NPC1L1: variants seen among roughly 807,000 people sequenced by gnomAD.
NPC1L1 encodes NPC1 like intracellular cholesterol transporter 1, also known as NPC1-like intracellular cholesterol transporter 1.
NPC1L1 carries 98 observed loss-of-function variants against 117.0 expected under a neutral mutation model. That is an observed-to-expected ratio of 0.84 (90% CI 0.71 to 0.99). The LOEUF is 0.99. NPC1L1 is among the 50% of genes least tolerant of loss of function. NPC1L1 has a pLI of 0.00. For synonymous variants in NPC1L1, 729 were observed against 727.6 expected (o/e 1.00, Z -0.03); for missense variants, 1,540 against 1,710.0 (o/e 0.90, Z 1.75).
Position 44,539,121 on chromosome 7 carries a change from G to T in NPC1L1, c.1276C>A (p.Leu426Met). The change falls in exon 2 of 19, where the codon CTG (leucine) becomes ATG (methionine). Residue 426 changes from leucine (L) to methionine (M), a missense_variant. Coordinates refer to ENST00000381160, the MANE Select transcript of NPC1L1 (RefSeq NM_001101648.2). The surrounding 1 kb of genome is among the most constrained non-coding windows in gnomAD (Gnocchi z 4.4). ...NRSSYRYDSL[L>M]LGPKNFSGIL... ...CCGCTGAAGTTCTTGGGCCCCAGCA[G>T]CAGAGAGTCATACCTGTAGCTGGAC... 1 of 1,614,190 alleles carries T rather than the reference G, an allele frequency of 6.2e-7. No individual in the cohort carries two copies. Among genetic ancestry groups the T allele is most frequent in the Non-Finnish European group, 8.5e-7 (1 of 1,180,042 alleles).
chr7:44,531,998 C>A (rs1371309684), intron 9 of NPC1L1, 82 bp downstream of exon 9: 3 of 1,604,214 alleles, frequency 1.9e-6, no homozygotes, highest in East Asian at 4.5e-5. Context: ...CCTAGGCAAC[C>A]TCCCCACCTC....
rs1801343809 is a variant in NPC1L1 at position 44,521,213 on chromosome 7, G to A, written c.2954-95C>T. The A allele has an allele frequency of 4.5e-6, 7 of 1,547,818 alleles. No homozygotes were observed. The Admixed American group carries it at 1.0e-4, about 22-fold the overall frequency. ...CCCCAACAATCCCATCAAAGGTCCT[G>A]GGCACTCCAGCCTCAACCAGTCGCT... On this transcript the variant is annotated intron_variant, in intron 12 of 18. Coordinates refer to ENST00000381160, the MANE Select transcript of NPC1L1 (RefSeq NM_001101648.2).
At position 44,536,869 on chromosome 7, in the gene NPC1L1, G is replaced by A; in HGVS notation, c.1654C>T (p.Pro552Ser). ...CMADYGAPVF[P>S]FLAIGGYKGK... ...TTGTACCCCCCAATGGCAAGGAAGG[G>A]GAAGACAGGGGCCCCGTAGTCAGCC... Residue 552 changes from proline (P) to serine (S), a missense_variant, in exon 3 of 19, where the codon CCC becomes TCC. By Grantham distance (74) the Pro-to-Ser change is moderately conservative. Transcript: ENST00000381160. The surrounding 1 kb of genome is among the most constrained non-coding windows in gnomAD (Gnocchi z 4.7). 6.2e-7 allele frequency: 1 copy of A among 1,614,144 alleles called. No homozygotes were observed. Among genetic ancestry groups the A allele is most frequent in the Non-Finnish European group, 8.5e-7 (1 of 1,180,000 alleles).
rs1585155053 is a variant in NPC1L1 at position 44,540,138 on chromosome 7, T to G, written c.259A>C (p.Thr87Pro). Residue 87 changes from threonine (T) to proline (P), a missense_variant, in exon 2 of 19, where the codon ACC becomes CCC. Physicochemically the swap from Thr to Pro is conservative, Grantham distance 38. Transcript: ENST00000381160. ...TGCTTGGCGGAGCAGCAGGCTTGGG[T>G]GTTGGGGCCGGTGTAGAGGCGGGGG... ...ICPRLYTGPN[T>P]QACCSAKQLV... The G allele has an allele frequency of 6.2e-7, 1 of 1,613,778 alleles. No homozygotes were observed. The highest frequency in any genetic ancestry group is 8.5e-7 in the Non-Finnish European group (1 of 1,179,920).
Position 44,512,648 on chromosome 7 carries a change from G to T in NPC1L1, c.*799C>A, listed in dbSNP as rs777080691. On this transcript the variant is annotated 3_prime_UTR_variant, in exon 19 of 19. Transcript: ENST00000381160. ...CTGTCCAAAAGCTCGGGTTGGGCTG[G>T]TTTGAGGCCTGGGATCCAGGCCCGA... 6.6e-6 allele frequency: 1 copy of T among 152,598 alleles called. No homozygotes were observed. The highest frequency in any genetic ancestry group is 1.9e-4 in the East Asian group (1 of 5,194). 9.5% of individuals were successfully genotyped at this position (152,598 alleles called of 1,614,324 possible). A position where few individuals can be genotyped will look rare whatever the true frequency, so the allele number is the denominator to read the frequency against.
rs752909718 is a variant in NPC1L1 at position 44,539,245 on chromosome 7, C to T, written c.1152G>A (p.Ser384=). 3.1e-6 allele frequency: 5 copies of T among 1,613,914 alleles called. No homozygotes were observed. The highest frequency in any genetic ancestry group is 3.3e-5 in the Admixed American group (2 of 59,994). Residue 384 remains serine (S), a synonymous_variant, in exon 2 of 19, where the codon TCG becomes TCA. Coordinates refer to ENST00000381160, the MANE Select transcript of NPC1L1 (RefSeq NM_001101648.2). The surrounding 1 kb of genome is among the most constrained non-coding windows in gnomAD (Gnocchi z 4.4). ...CACTCCGGGCTTGGCTGTTGGGGGCCGACCACAGCTCCACGGGGTCCGTAG... is the reference window on the plus strand; with the variant it reads ...CACTCCGGGCTTGGCTGTTGGGGGCTGACCACAGCTCCACGGGGTCCGTAG... The part of the protein sequence containing the change: ...ELTTDPVELW[S]APNSQARSEK...
Position 44,517,211 on chromosome 7 carries a change from A to AG in NPC1L1, c.3282dup (p.Tyr1095LeufsTer9). On this transcript the variant is annotated frameshift_variant, in exon 15 of 19. Coordinates refer to ENST00000381160, the MANE Select transcript of NPC1L1 (RefSeq NM_001101648.2). LOFTEE classifies it high-confidence loss of function. ...CCCAGCCACTCAGGTCCTCACGTGT[A>AG]GGGGAAGACCTCAAAAGCCGGGTCT... 1.9e-6 allele frequency: 3 copies of AG among 1,614,136 alleles called. No homozygotes were observed. Among genetic ancestry groups the AG allele is most frequent in the Non-Finnish European group, 2.5e-6 (3 of 1,179,988 alleles).
At chr7:44,531,913 G>C (rs772650402) in intron 9 of NPC1L1, 69 bp from the exon 10 acceptor site, 4 of 1,523,810 alleles carry the variant, frequency 2.6e-6, no homozygotes, top group Non-Finnish European at 3.6e-6. Context: ...ACAAATTTAA[G>C]TCAGTCAGGG....
In NPC1L1 at chr7:44,534,497, C is replaced by T; in HGVS notation, c.2116G>A (p.Val706Met). 1.2e-6 allele frequency: 2 copies of T among 1,614,106 alleles called. No individual in the cohort carries two copies. Among genetic ancestry groups the T allele is most frequent in the Non-Finnish European group, 1.7e-6 (2 of 1,180,006 alleles). The change falls in exon 6 of 19, where the codon GTG becomes ATG. Residue 706 changes from valine to methionine, a missense_variant. By Grantham distance (21) the Val-to-Met change is conservative. Coordinates refer to ENST00000381160, the MANE Select transcript of NPC1L1 (RefSeq NM_001101648.2). The surrounding 1 kb of genome is among the most constrained non-coding windows in gnomAD (Gnocchi z 5.2). ...ATGTTATCAGCCCCCACGGACAGCACCAGGAAAGGAACCACTTGCAGGATG... is the reference window on the plus strand; with the variant it reads ...ATGTTATCAGCCCCCACGGACAGCATCAGGAAAGGAACCACTTGCAGGATG... ...LVILQVVPFL[V>M]LSVGADNIFI...
intron 14 of NPC1L1, among the ~76,000 whole-genome samples, chr7:44,519,930 G>A (rs1801300391): frequency 6.6e-6 from 1 of 151,602 alleles, no homozygotes; most frequent in South Asian, 2.1e-4. Context: ...CCAGCCTTCT[G>A]AATAGCTGGA....
Position 44,531,788 on chromosome 7 carries a change from G to A in NPC1L1, c.2604C>T (p.Ser868=), listed in dbSNP as rs374998733. 8 of 1,588,072 alleles carry A rather than the reference G, an allele frequency of 5.0e-6. No homozygotes were observed. In the East Asian group the frequency reaches 9.1e-5, roughly 18 times the overall value. ...GGGCCAGCTCCTGGTCCAGTCCCAC[G>A]CTGATGTGGCACATGGAGTAGAGGC... The part of the protein sequence containing the change: ...GVSLYSMCHI[S]VGLDQELALP... The change falls in exon 10 of 19, where the codon AGC becomes AGT. Residue 868 remains serine, a synonymous_variant. Transcript: ENST00000381160.
At chr7:44,531,916 A>C in intron 9 of NPC1L1, 72 bp from the exon 10 acceptor site, 1 of 1,526,064 alleles carries the variant, frequency 6.6e-7, no homozygotes, top group Non-Finnish European at 8.9e-7. Context: ...AATTTAAGTC[A>C]GTCAGGGTGT....
chr7:44,514,152 T>C (rs1485970647), intron 18 of NPC1L1, among the ~76,000 whole-genome samples: 2 of 152,162 alleles, frequency 1.3e-5, no homozygotes, highest in Non-Finnish European at 2.9e-5. Flanking sequence ...GTAAGAGAAT[T>C]ACAGACACAT....
rs148859805 is a variant in NPC1L1 at position 44,539,286 on chromosome 7, C to A, written c.1111G>T (p.Val371Phe). 1.9e-6 allele frequency: 3 copies of A among 1,613,908 alleles called. No homozygotes were observed. In the African/African-American group the frequency reaches 4.0e-5, roughly 22 times the overall value. ...GGGTCCGTAGTGAGTTCTGTAAAGA[C>A]CAGGCCCGCTGCCAAGGCCACCACC... ...IPVVALAAGLVFTELTTDPVE... is the reference protein window; with the variant it reads ...IPVVALAAGLFFTELTTDPVE... The change falls in exon 2 of 19, where the codon GTC (valine) becomes TTC (phenylalanine). Residue 371 changes from valine (V) to phenylalanine (F), a missense_variant. This residue lies in a region of NPC1L1 where 793 missense variants were observed against 820.4 expected (regional missense o/e 0.97). Transcript: ENST00000381160. This position sits in a 1 kb window ranked among gnomAD's most constrained non-coding sequence, Gnocchi z 4.4.
In NPC1L1 at chr7:44,531,838, G is replaced by A. The variant is rs1451026501; in HGVS notation, c.2554C>T (p.Leu852=). ...HWITRGVVLL[L]FLALFGVSLY... Reference sequence around the variant, plus strand: ...CTCACTCCGAACAGGGCGAGAAACAGCAGCAGCTGAGAAGGGACCTGCTGC... The same window carrying A: ...CTCACTCCGAACAGGGCGAGAAACAACAGCAGCTGAGAAGGGACCTGCTGC... Residue 852 remains leucine, a synonymous_variant, in exon 10 of 19, where the codon CTG becomes TTG. Transcript: ENST00000381160. The A allele has an allele frequency of 1.9e-6, 3 of 1,581,802 alleles. No individual in the cohort carries two copies. The highest frequency in any genetic ancestry group is 2.6e-6 in the Non-Finnish European group (3 of 1,163,994).
rs1801204122 is a variant in NPC1L1 at position 44,516,834 on chromosome 7, G to C, written c.3388C>G (p.Leu1130Val). The change falls in exon 16 of 19, where the codon CTG becomes GTG. Residue 1130 changes from leucine to valine, a missense_variant. Physicochemically the swap from Leu to Val is conservative, Grantham distance 32 (BLOSUM62 1). This residue lies in a region of NPC1L1 where 742 missense variants were observed against 873.6 expected (regional missense o/e 0.85). Transcript: ENST00000381160. ...CCGGAGCGCAGGTCCAGGCCCAGCA[G>C]GAGGCAGGAGACAGCGAAGGTGGGC... is the stretch of plus-strand genomic sequence containing the variant. ...LVPTFAVSCLLLGLDLRSGLL... is the reference protein window; with the variant it reads ...LVPTFAVSCLVLGLDLRSGLL... 4 of 1,614,226 alleles carry C rather than the reference G, an allele frequency of 2.5e-6. No homozygotes were observed. The highest frequency in any genetic ancestry group is 2.5e-6 in the Non-Finnish European group (3 of 1,180,040).
rs534327266 is a variant in NPC1L1 at position 44,516,425 on chromosome 7, G to A, written c.3520-228C>T. ...TTGAGACCAGCCTGGGCAACAAAGTGAGACCCTGTCTCTACAACAAAAATT... is the reference window on the plus strand; with the variant it reads ...TTGAGACCAGCCTGGGCAACAAAGTAAGACCCTGTCTCTACAACAAAAATT... On this transcript the variant is annotated intron_variant, in intron 16 of 18. Coordinates refer to ENST00000381160, the MANE Select transcript of NPC1L1 (RefSeq NM_001101648.2). 3.3e-5 allele frequency among the ~76,000 whole-genome samples: 5 copies of A among 152,284 alleles called. No homozygotes were observed. In the South Asian group the frequency reaches 1.0e-3, roughly 32 times the overall value.
chr7:44,520,833 C>G lies in NPC1L1; in HGVS notation c.3081-13G>C. The stretch of plus-strand genomic sequence containing the variant: ...TGCTGCCAGGCCGCTGCAAGAAGGT[C>G]AGGGCAAAGGCTTAGCCAGGGACGA... On this transcript the variant is annotated splice_polypyrimidine_tract_variant and intron_variant, in intron 13 of 18. Coordinates refer to ENST00000381160, the MANE Select transcript of NPC1L1 (RefSeq NM_001101648.2). The G allele has an allele frequency of 6.2e-7, 1 of 1,614,090 alleles. No individual in the cohort carries two copies.
chr7:44,519,245 G>A (rs765357538), intron 14 of NPC1L1, among the ~76,000 whole-genome samples: 14 of 152,116 alleles, frequency 9.2e-5, no homozygotes, highest in Non-Finnish European at 1.6e-4. Flanking sequence ...CTGGCTGGGG[G>A]ACCTCATTTT....
Sources: allele counts gnomAD v4.1 joint callset (sites outside exome capture counted in the v4.1 genomes callset), GRCh38; gene constraint gnomAD v4.1.1; regional missense constraint gnomAD v4.1.1; non-coding constraint Gnocchi (gnomAD v3.1); transcripts MANE v1.5; gene names NCBI Gene and HGNC (gene_info 2026-07-23, HGNC 2026-07-21).